Variants in PPM1E observed in about 807,000 individuals in gnomAD.
The protein encoded by PPM1E is protein phosphatase, Mg2+/Mn2+ dependent 1E, also known as protein phosphatase 1E.
A neutral mutation model predicts 65.9 loss-of-function variants in PPM1E; 20 were observed. The observed-to-expected ratio is 0.30, with a 90% confidence interval of 0.21 to 0.44. The LOEUF (loss-of-function observed/expected upper bound fraction) is 0.44, where lower values mean the gene tolerates loss of function less well. PPM1E is among the 20% of genes least tolerant of loss of function. PPM1E has a pLI of 1.00. For synonymous variants in PPM1E, 352 were observed against 374.9 expected, an observed-to-expected ratio of 0.94 and a Z score of 0.70; for missense variants, 713 against 953.1, an observed-to-expected ratio of 0.75 and a Z score of 3.32.
Position 58,969,724 on chromosome 17 carries a change from G to A in PPM1E, c.969G>A (p.Arg323=). Residue 323 remains arginine (R), a synonymous_variant, in exon 4 of 7, where the codon AGG becomes AGA. Coordinates refer to ENST00000308249, the MANE Select transcript of PPM1E (RefSeq NM_014906.5). ...AGCGGTTTGTGCAGAAAGCAGCCAG[G>A]GAGGTATGCCCCTTTCTCATAAGTT... ...TDERFVQKAA[R]ESLRCGTTGV... 1 of 1,614,098 alleles carries A rather than the reference G, an allele frequency of 6.2e-7. No homozygotes were observed. The highest frequency in any genetic ancestry group is 8.5e-7 in the Non-Finnish European group (1 of 1,179,998).
chr17:58,786,318 T>C (rs1671675239), intron 1 of PPM1E, among the ~76,000 whole-genome samples: 1 of 152,168 alleles, frequency 6.6e-6, no homozygotes, highest in South Asian at 2.1e-4. Context: ...CTGGCCACCT[T>C]TTCACTTTTA....
chr17:58,870,573 C>T (rs868292897), intron 1 of PPM1E, among the ~76,000 whole-genome samples: 10 of 152,228 alleles, frequency 6.6e-5, no homozygotes, highest in African/African-American at 1.9e-4. Flanking sequence ...TGAGAACATG[C>T]AGTATTTGGT....
At chr17:58,951,948 G>A (rs559240289) in intron 1 of PPM1E, among the ~76,000 whole-genome samples, 1 of 152,248 alleles carries the variant, frequency 6.6e-6, no homozygotes, top group African/African-American at 2.4e-5. Context: ...TCCCTATGTT[G>A]ATTTCTACAC....
chr17:58,784,461 G>A (rs1598568976), intron 1 of PPM1E, among the ~76,000 whole-genome samples: 1 of 150,790 alleles, frequency 6.6e-6, no homozygotes, highest in South Asian at 2.1e-4. Flanking sequence ...ATCTTCTTTG[G>A]AGAAATATTC....
intron 1 of PPM1E, among the ~76,000 whole-genome samples, chr17:58,773,777 G>T (rs1021539260): frequency 1.3e-5 from 2 of 152,140 alleles, no homozygotes; most frequent in Non-Finnish European, 2.9e-5. Context: ...ATTATCTCGA[G>T]TGTTTTGTTA....
intron 1 of PPM1E, among the ~76,000 whole-genome samples, chr17:58,768,416 C>A (rs2049903997): frequency 1.3e-5 from 2 of 152,152 alleles, no homozygotes; most frequent in African/African-American, 4.8e-5. Context: ...TATTTCCTGT[C>A]TTTCTGCCTT....
chr17:58,944,375 T>C (rs776045714), intron 1 of PPM1E, among the ~76,000 whole-genome samples: 5 of 152,128 alleles, frequency 3.3e-5, no homozygotes, highest in Non-Finnish European at 7.3e-5. Flanking sequence ...TTTAAAAAAG[T>C]GTACAATTCA....
In PPM1E at chr17:58,945,722, C is replaced by T. The variant is rs567539135; in HGVS notation, c.465-9927C>T. On this transcript the variant is annotated intron_variant, in intron 1 of 6. Coordinates refer to ENST00000308249, the MANE Select transcript of PPM1E (RefSeq NM_014906.5). ...TTAAATAATTTGCTATAATGTCTTA[C>T]AAAATTCAGGGAAACATTCACTTAT... Among the ~76,000 whole-genome samples the T allele has an allele frequency of 2.0e-5, 3 of 152,156 alleles. No homozygotes were observed. The South Asian group carries it at 6.2e-4, about 32-fold the overall frequency.
chr17:58,911,736 G>T (rs1018670749), intron 1 of PPM1E, among the ~76,000 whole-genome samples: 1 of 152,130 alleles, frequency 6.6e-6, no homozygotes, highest in Non-Finnish European at 1.5e-5. Context: ...GCTGTTCTGG[G>T]TGCTGAAGAT....
intron 1 of PPM1E, among the ~76,000 whole-genome samples, chr17:58,879,298 T>A (rs1004776405): frequency 2.0e-5 from 3 of 149,668 alleles, no homozygotes; most frequent in African/African-American, 7.3e-5. Flanking sequence ...TTATAATATT[T>A]TATATATATA....
chr17:58,941,342 C>T (rs2052063268), intron 1 of PPM1E, among the ~76,000 whole-genome samples: 1 of 152,046 alleles, frequency 6.6e-6, no homozygotes, highest in African/African-American at 2.4e-5. Flanking sequence ...TATATACTTA[C>T]CTACATATAT....
intron 2 of PPM1E, among the ~76,000 whole-genome samples, chr17:58,959,774 ATG>A (rs2029974815): frequency 6.6e-6 from 1 of 152,146 alleles, no homozygotes. Flanking sequence ...GCTACTATAT[ATG>A]TATAATACTA....
At position 58,984,839 on chromosome 17, in the gene PPM1E, C is replaced by T. The variant is rs1232918090; in HGVS notation, c.*3808C>T. On this transcript the variant is annotated 3_prime_UTR_variant, in exon 7 of 7. Transcript: ENST00000308249. ...CATGAAATAGGGAACTCCAGACTGA[C>T]ACAGCAGTTGTTTTTGAAAAGGAAA... is the stretch of plus-strand genomic sequence containing the variant. 6.6e-6 allele frequency: 1 copy of T among 152,402 alleles called. No individual in the cohort carries two copies. Among genetic ancestry groups the T allele is most frequent in the African/African-American group, 2.4e-5 (1 of 41,446 alleles). The allele number at this position is 152,402 out of a possible 1,614,324, so 9.4% of individuals were successfully genotyped here.
intron 1 of PPM1E, among the ~76,000 whole-genome samples, chr17:58,898,078 C>A (rs562722096): frequency 1.3e-5 from 2 of 151,948 alleles, no homozygotes; most frequent in African/African-American, 4.8e-5. Flanking sequence ...GGTGAAACTC[C>A]GTCTCTACTA....
chr17:58,797,164 T>G (rs745829233), intron 1 of PPM1E, among the ~76,000 whole-genome samples: 2 of 152,178 alleles, frequency 1.3e-5, no homozygotes, highest in Non-Finnish European at 2.9e-5. Context: ...AATAATTTAC[T>G]GTAGCTCAAT....
intron 1 of PPM1E, among the ~76,000 whole-genome samples, chr17:58,861,498 A>C (rs1399617181): frequency 6.6e-6 from 1 of 152,190 alleles, no homozygotes; most frequent in African/African-American, 2.4e-5. Flanking sequence ...GATGAAGTCC[A>C]GATTGGCAAA....
At chr17:58,886,163 C>A (rs1037057585) in intron 1 of PPM1E, among the ~76,000 whole-genome samples, 1 of 152,090 alleles carries the variant, frequency 6.6e-6, no homozygotes, top group South Asian at 2.1e-4. Context: ...ATTTGATTGT[C>A]CTTGAGGATT....
chr17:58,774,034 C>T (rs1016877391), intron 1 of PPM1E, among the ~76,000 whole-genome samples: 8 of 151,990 alleles, frequency 5.3e-5, no homozygotes, highest in East Asian at 1.9e-4. Flanking sequence ...TGGTGACACA[C>T]GCCTGTAATC....
intron 1 of PPM1E, among the ~76,000 whole-genome samples, chr17:58,790,996 T>C (rs1334917015): frequency 6.6e-6 from 1 of 151,956 alleles, no homozygotes; most frequent in Non-Finnish European, 1.5e-5. Flanking sequence ...CTCAAGTGAT[T>C]CTCCTGCCTC....
Sources: allele counts gnomAD v4.1 joint callset (sites outside exome capture counted in the v4.1 genomes callset), GRCh38; gene constraint gnomAD v4.1.1; transcripts MANE v1.5; gene names NCBI Gene and HGNC (gene_info 2026-07-23, HGNC 2026-07-21).